SPAG16: variants seen among roughly 807,000 people sequenced by gnomAD.
The protein encoded by SPAG16 is sperm-associated antigen 16 protein.
SPAG16 carries 86 observed loss-of-function variants against 80.4 expected under a neutral mutation model. The ratio of observed to expected loss-of-function variants is 1.07; its 90% CI spans 0.90 to 1.28. The LOEUF is 1.28. Ranked by LOEUF, SPAG16 falls within the 50% of genes most tolerant of loss-of-function variation. The pLI, the probability that SPAG16 is intolerant of heterozygous loss-of-function variation, is 0.00. For missense variants in SPAG16, 870 were observed against 765.3 expected, an observed-to-expected ratio of 1.14 and a Z score of -1.61; for synonymous variants, 294 against 265.9, an observed-to-expected ratio of 1.11 and a Z score of -1.03.
intron 14 of SPAG16, among the ~76,000 whole-genome samples, chr2:214,134,406 A>G (rs2054941236): frequency 6.6e-6 from 1 of 152,168 alleles, no homozygotes; most frequent in Non-Finnish European, 1.5e-5. Flanking sequence ...TCTGCCAAAC[A>G]TTCCTTGTCT....
chr2:213,748,788 AC>A (rs2067950025), intron 10 of SPAG16, among the ~76,000 whole-genome samples: 1 of 152,220 alleles, frequency 6.6e-6, no homozygotes. Flanking sequence ...TAAGTAAAAA[AC>A]AACAGTGTTT....
At chr2:213,339,077 C>T (rs1437934838) in intron 5 of SPAG16, among the ~76,000 whole-genome samples, 1 of 151,690 alleles carries the variant, frequency 6.6e-6, no homozygotes, top group Non-Finnish European at 1.5e-5. Flanking sequence ...GATCAGAGAC[C>T]TTGCACCATA....
chr2:213,400,390 G>A (rs2125333894), intron 9 of SPAG16, among the ~76,000 whole-genome samples: 1 of 152,214 alleles, frequency 6.6e-6, no homozygotes, highest in Non-Finnish European at 1.5e-5. Flanking sequence ...ATTATGGTTT[G>A]TTCTTTGTCC....
At chr2:213,863,234 A>G (rs2075554082) in intron 11 of SPAG16, among the ~76,000 whole-genome samples, 1 of 151,914 alleles carries the variant, frequency 6.6e-6, no homozygotes, top group Admixed American at 6.6e-5. Context: ...GCTACTGCCA[A>G]TCCTGTTTTC....
Position 213,334,672 on chromosome 2 carries a change from G to A in SPAG16, c.537-5491G>A, listed in dbSNP as rs1039724246. On this transcript the variant is annotated intron_variant, in intron 5 of 15. Transcript: ENST00000331683. ...CATTTGCAACATGGTGGAACTGAAG[G>A]TCGTTATGTTAAGTGAAATAACCCA... Among the ~76,000 whole-genome samples, 16 of 152,256 alleles carry A rather than the reference G, an allele frequency of 1.1e-4. No homozygotes were observed. In the East Asian group the frequency reaches 2.9e-3, roughly 28 times the overall value.
At chr2:214,344,167 G>A (rs1428291326) in intron 15 of SPAG16, among the ~76,000 whole-genome samples, 3 of 151,214 alleles carry the variant, frequency 2.0e-5, no homozygotes, top group Admixed American at 1.3e-4. Flanking sequence ...ATGTGTAGAT[G>A]TTGTGCATTT....
At chr2:213,317,732 G>T in intron 5 of SPAG16, 2 of 986,258 alleles carry the variant, frequency 2.0e-6, no homozygotes, top group Middle Eastern at 5.2e-4. Flanking sequence ...GTTTATTCCT[G>T]GTAGAGGAAT....
At chr2:214,292,941 C>T (rs866257847) in intron 15 of SPAG16, among the ~76,000 whole-genome samples, 10 of 152,248 alleles carry the variant, frequency 6.6e-5, no homozygotes, top group South Asian at 2.1e-4. Flanking sequence ...TTGAATTCCT[C>T]GGTGGCTTAG....
chr2:213,691,606 C>G (rs2064946528), intron 10 of SPAG16, among the ~76,000 whole-genome samples: 1 of 152,068 alleles, frequency 6.6e-6, no homozygotes, highest in Non-Finnish European at 1.5e-5. Context: ...TTGTTTGAAG[C>G]CACTAAGCTT....
At chr2:214,013,526 T>C (rs2047425449) in intron 12 of SPAG16, among the ~76,000 whole-genome samples, 1 of 152,170 alleles carries the variant, frequency 6.6e-6, no homozygotes, top group Non-Finnish European at 1.5e-5. Context: ...TGGTAGCCAC[T>C]GAAGTGCCTC....
intron 15 of SPAG16, among the ~76,000 whole-genome samples, chr2:214,322,436 T>G (rs1047635404): frequency 6.7e-6 from 1 of 149,384 alleles, no homozygotes; most frequent in Non-Finnish European, 1.5e-5. Flanking sequence ...TTTAAAGAGA[T>G]AAAATTGCCT....
intron 15 of SPAG16, among the ~76,000 whole-genome samples, chr2:214,309,986 C>T (rs1476581947): frequency 6.6e-6 from 1 of 152,126 alleles, no homozygotes; most frequent in Non-Finnish European, 1.5e-5. Flanking sequence ...TCTCATTGAG[C>T]TTCCTTATAG....
At chr2:214,139,648 T>G (rs1230046811) in intron 14 of SPAG16, among the ~76,000 whole-genome samples, 2 of 152,170 alleles carry the variant, frequency 1.3e-5, no homozygotes, top group Non-Finnish European at 2.9e-5. Flanking sequence ...TAATATGAAT[T>G]CCTTCATTTG....
chr2:214,084,604 A>G (rs1576118527), intron 13 of SPAG16, among the ~76,000 whole-genome samples: 2 of 152,156 alleles, frequency 1.3e-5, no homozygotes, highest in East Asian at 3.9e-4. Context: ...TATAGATGAT[A>G]ATATATGGTT....
At chr2:213,717,766 G>A (rs2066302819) in intron 10 of SPAG16, among the ~76,000 whole-genome samples, 1 of 152,112 alleles carries the variant, frequency 6.6e-6, no homozygotes. Context: ...AGACACAGAT[G>A]TAGCAATACA....
At chr2:214,010,152 G>A (rs1044104460) in intron 12 of SPAG16, among the ~76,000 whole-genome samples, 1 of 145,762 alleles carries the variant, frequency 6.9e-6, no homozygotes, top group Non-Finnish European at 1.5e-5. Context: ...CAAATAAAAA[G>A]CAGACTGAAA....
At chr2:213,921,008 C>G (rs768877118) in intron 11 of SPAG16, among the ~76,000 whole-genome samples, 9 of 152,174 alleles carry the variant, frequency 5.9e-5, no homozygotes, top group Non-Finnish European at 1.0e-4. Context: ...TTCACCCATT[C>G]CTTTGGAGTT....
chr2:213,517,001 G>A (rs982434897), intron 10 of SPAG16, among the ~76,000 whole-genome samples: 15 of 152,092 alleles, frequency 9.9e-5, no homozygotes, highest in East Asian at 1.9e-4. Context: ...GAAAGGCATT[G>A]AAATAGGAAA....
chr2:213,635,298 G>A (rs187849531), intron 10 of SPAG16, among the ~76,000 whole-genome samples: 47 of 152,218 alleles, frequency 3.1e-4, no homozygotes, highest in Admixed American at 3.9e-4. Flanking sequence ...GGCTCCCAAA[G>A]TGCTCGGATT....
Sources: allele counts gnomAD v4.1 joint callset (sites outside exome capture counted in the v4.1 genomes callset), GRCh38; gene constraint gnomAD v4.1.1; transcripts MANE v1.5; gene names NCBI Gene and HGNC (gene_info 2026-07-23, HGNC 2026-07-21).